ARK2C: variants seen among roughly 807,000 people sequenced by gnomAD.
ARK2C encodes arkadia (RNF111) C-terminal like ring finger ubiquitin ligase 2C.
At chr18:46,429,085 T>C in the ARK2C span, among the ~76,000 whole-genome samples, 1 of 152,194 alleles carries the variant, frequency 6.6e-6, no homozygotes, top group South Asian at 2.1e-4. Context: ...CCGGTGCCGC[T>C]TGCTCATGCT....
the ARK2C span, among the ~76,000 whole-genome samples, chr18:46,345,595 A>G: frequency 6.6e-6 from 1 of 152,240 alleles, no homozygotes; most frequent in Non-Finnish European, 1.5e-5. Flanking sequence ...AGCAGAGAGC[A>G]GAGTCTTGAC....
the ARK2C span, among the ~76,000 whole-genome samples, chr18:46,382,101 G>C: frequency 7.8e-3 from 1,195 of 152,306 alleles, 19 homozygotes; most frequent in African/African-American, 0.027. Flanking sequence ...GGTTGGCTTT[G>C]GGGGCTGGGC....
chr18:46,362,830 A>C, the ARK2C span, among the ~76,000 whole-genome samples: 1 of 152,236 alleles, frequency 6.6e-6, no homozygotes, highest in Non-Finnish European at 1.5e-5. Flanking sequence ...TACGAGAGCC[A>C]AGAGGAATCT....
chr18:46,433,453 C>T, the ARK2C span: 1 of 1,612,942 alleles, frequency 6.2e-7, no homozygotes, highest in Non-Finnish European at 8.5e-7. Context: ...GCAATACCTC[C>T]TGCAGCAGCA....
chr18:46,395,703 C>T, the ARK2C span, among the ~76,000 whole-genome samples: 2 of 152,172 alleles, frequency 1.3e-5, no homozygotes, highest in African/African-American at 4.8e-5. Context: ...AGGATCTCAG[C>T]TGGTGTTTAC....
chr18:46,460,672 A>G, the ARK2C span: 1 of 152,650 alleles, frequency 6.6e-6, no homozygotes, highest in South Asian at 2.1e-4. Context: ...AAAAATTTAA[A>G]TAAAATTCTG....
At chr18:46,424,908 G>T in the ARK2C span, among the ~76,000 whole-genome samples, 4 of 152,336 alleles carry the variant, frequency 2.6e-5, no homozygotes, top group African/African-American at 9.6e-5. Flanking sequence ...TTTTCAAAAG[G>T]CTGGCTTTCT....
chr18:46,402,224 T>A, the ARK2C span, among the ~76,000 whole-genome samples: 1 of 152,230 alleles, frequency 6.6e-6, no homozygotes, highest in Non-Finnish European at 1.5e-5. Flanking sequence ...TGCACATCTA[T>A]TAATTCATTG....
the ARK2C span, among the ~76,000 whole-genome samples, chr18:46,449,287 C>T: frequency 2.0e-5 from 3 of 152,200 alleles, no homozygotes; most frequent in Non-Finnish European, 4.4e-5. Context: ...CATGCCAGAA[C>T]AGAGTCAGAC....
chr18:46,382,820 T>C, the ARK2C span, among the ~76,000 whole-genome samples: 1 of 152,158 alleles, frequency 6.6e-6, no homozygotes, highest in East Asian at 1.9e-4. Context: ...GTTTCAAACA[T>C]GGCAAGGTCT....
At chr18:46,344,256 C>T in the ARK2C span, among the ~76,000 whole-genome samples, 3 of 152,154 alleles carry the variant, frequency 2.0e-5, no homozygotes. Flanking sequence ...TCAGTGGACA[C>T]CTGTCTCAAG....
At chr18:46,435,734 A>C in the ARK2C span, among the ~76,000 whole-genome samples, 1 of 152,132 alleles carries the variant, frequency 6.6e-6, no homozygotes, top group Non-Finnish European at 1.5e-5. Flanking sequence ...GGGAGAGCAG[A>C]AAGGAGAATT....
chr18:46,432,387 C>CT, the ARK2C span, among the ~76,000 whole-genome samples: 10 of 152,058 alleles, frequency 6.6e-5, no homozygotes, highest in South Asian at 2.1e-4. Context: ...TGATCTGAGT[C>CT]TTTTTTTTCC....
At chr18:46,406,426 CCTTCT>C in the ARK2C span, among the ~76,000 whole-genome samples, 2 of 152,210 alleles carry the variant, frequency 1.3e-5, no homozygotes, top group Admixed American at 1.3e-4. Flanking sequence ...GACTGGAAGC[CCTTCT>C]GGTCTTCTTA....
chr18:46,368,933 G>A, the ARK2C span, among the ~76,000 whole-genome samples: 1 of 152,190 alleles, frequency 6.6e-6, no homozygotes, highest in South Asian at 2.1e-4. Context: ...CACAGTAATT[G>A]CTTAGTGAAT....
chr18:46,415,567 A>C, the ARK2C span, among the ~76,000 whole-genome samples: 1 of 151,930 alleles, frequency 6.6e-6, no homozygotes, highest in East Asian at 1.9e-4. Flanking sequence ...AAAATAAAAA[A>C]GTTGCTGAAG....
chr18:46,409,106 C>T, the ARK2C span, among the ~76,000 whole-genome samples: 2 of 152,168 alleles, frequency 1.3e-5, no homozygotes, highest in Non-Finnish European at 2.9e-5. Flanking sequence ...CCTAACAGTG[C>T]CTGGCATACA....
the ARK2C span, among the ~76,000 whole-genome samples, chr18:46,399,985 T>G: frequency 6.6e-6 from 1 of 152,118 alleles, no homozygotes; most frequent in Admixed American, 6.5e-5. Context: ...TTTAGTGAGG[T>G]GCAAGCTGGG....
At chr18:46,406,967 G>A in the ARK2C span, among the ~76,000 whole-genome samples, 1 of 151,898 alleles carries the variant, frequency 6.6e-6, no homozygotes, top group African/African-American at 2.4e-5. Flanking sequence ...TCATGTCCCT[G>A]AACAGCCTAG....
Sources: gnomAD v4.1 joint callset for allele counts (sites outside exome capture counted in the v4.1 genomes callset) on GRCh38, gnomAD v4.1.1 for gene constraint, MANE v1.5 for transcripts, NCBI Gene and HGNC (gene_info 2026-07-23, HGNC 2026-07-21) for gene names.